Variants in GPC5 observed in about 807,000 individuals in gnomAD.
GPC5 encodes the protein glypican-5.
Under a neutral mutation model 53.9 loss-of-function variants are expected in GPC5, and 47 were observed. The ratio of observed to expected loss-of-function variants is 0.87; its 90% CI spans 0.69 to 1.11. GPC5 has a LOEUF of 1.11. Among genes scored for constraint, GPC5 ranks in the 50% most tolerant of loss-of-function variants. The pLI, the probability that GPC5 is intolerant of heterozygous loss-of-function variation, is 0.00. For synonymous variants in GPC5, 286 were observed against 263.3 expected, an observed-to-expected ratio of 1.09 and a Z score of -0.84; for missense variants, 748 against 713.1, an observed-to-expected ratio of 1.05 and a Z score of -0.56.
chr13:92,643,216 C>T (rs1885652291), intron 7 of GPC5, among the ~76,000 whole-genome samples: 1 of 152,020 alleles, frequency 6.6e-6, no homozygotes, highest in African/African-American at 2.4e-5. Flanking sequence ...TGTGCAGAAG[C>T]TCTTTAGTTT....
chr13:92,761,050 G>A (rs1440856222), intron 7 of GPC5, among the ~76,000 whole-genome samples: 1 of 152,096 alleles, frequency 6.6e-6, no homozygotes, highest in Non-Finnish European at 1.5e-5. Context: ...AATTATATAA[G>A]GGTTGTTTTG....
At chr13:92,397,271 T>TGGGG (rs138672507) in intron 7 of GPC5, among the ~76,000 whole-genome samples, 1 of 151,788 alleles carries the variant, frequency 6.6e-6, no homozygotes, top group Non-Finnish European at 1.5e-5. Context: ...TCATGGGGGC[T>TGGGG]GGGGGGGGTT....
intron 7 of GPC5, among the ~76,000 whole-genome samples, chr13:92,819,063 T>G (rs1036495312): frequency 6.6e-6 from 1 of 151,984 alleles, no homozygotes; most frequent in African/African-American, 2.4e-5. Context: ...TTTAAGGGTA[T>G]GTTTCTTACA....
chr13:92,387,350 G>A (rs1002361564), intron 7 of GPC5, among the ~76,000 whole-genome samples: 2 of 152,072 alleles, frequency 1.3e-5, no homozygotes, highest in Non-Finnish European at 1.5e-5. Context: ...ATCATGTTGC[G>A]TAGGTTCGAC....
chr13:91,486,754 T>C (rs146047561), intron 2 of GPC5: 3 of 152,270 alleles, frequency 2.0e-5, no homozygotes, highest in East Asian at 1.9e-4. Flanking sequence ...TATTACTTAG[T>C]ATGAGAAAGA....
chr13:92,851,658 G>A (rs1392573325), intron 7 of GPC5, among the ~76,000 whole-genome samples: 1 of 151,562 alleles, frequency 6.6e-6, no homozygotes, highest in African/African-American at 2.4e-5. Flanking sequence ...AAGGAGGGCG[G>A]ATCACAAGAT....
intron 7 of GPC5, among the ~76,000 whole-genome samples, chr13:92,282,559 A>G (rs1208076806): frequency 6.6e-6 from 1 of 152,146 alleles, no homozygotes; most frequent in Non-Finnish European, 1.5e-5. Flanking sequence ...TTGGCAGAAA[A>G]TCTACAAGCC....
rs191214157 is a variant in GPC5 at position 92,192,380 on chromosome 13, A to C, written c.1561+47391A>C. Among the ~76,000 whole-genome samples the C allele has an allele frequency of 2.9e-3, 446 of 152,298 alleles. 2 individuals are homozygous for C. The highest frequency in any genetic ancestry group is 0.01 in the Middle Eastern group (3 of 294). ...GTACTTTCCATTCAATTTTGTTGTG[A>C]ACATATAACTGCTCTAAAAGTTTAT... On this transcript the variant is annotated intron_variant, in intron 7 of 7. Transcript: ENST00000377067.
intron 7 of GPC5, among the ~76,000 whole-genome samples, chr13:92,861,545 C>T (rs939136870): frequency 2.0e-5 from 3 of 152,074 alleles, no homozygotes; most frequent in Non-Finnish European, 4.4e-5. Flanking sequence ...GTTCTTTCAC[C>T]ATTTCTCTAC....
intron 6 of GPC5, among the ~76,000 whole-genome samples, chr13:91,921,790 AG>A (rs1257557401): frequency 2.1e-4 from 4 of 18,664 alleles, no homozygotes; most frequent in African/African-American, 9.9e-4. Context: ...AAAAAAAAAA[AG>A]AAAGAAAGAA....
At chr13:92,502,816 T>G (rs142408193) in intron 7 of GPC5, among the ~76,000 whole-genome samples, 1 of 152,116 alleles carries the variant, frequency 6.6e-6, no homozygotes, top group African/African-American at 2.4e-5. Context: ...GTGAGAATGT[T>G]GACCTAAGCT....
At chr13:92,040,424 G>A (rs1250590264) in intron 6 of GPC5, among the ~76,000 whole-genome samples, 1 of 152,228 alleles carries the variant, frequency 6.6e-6, no homozygotes, top group African/African-American at 2.4e-5. Flanking sequence ...GTGGCTCAAG[G>A]CCTGGCCACC....
At chr13:91,563,145 C>T (rs1432459107) in intron 2 of GPC5, among the ~76,000 whole-genome samples, 1 of 151,968 alleles carries the variant, frequency 6.6e-6, no homozygotes, top group East Asian at 1.9e-4. Flanking sequence ...TGCTAAAAAT[C>T]GCAAGTAACA....
chr13:92,664,982 A>T (rs1356201890), intron 7 of GPC5, among the ~76,000 whole-genome samples: 1 of 152,196 alleles, frequency 6.6e-6, no homozygotes, highest in Non-Finnish European at 1.5e-5. Context: ...GGATATGTTA[A>T]TACAAATGTG....
intron 7 of GPC5, among the ~76,000 whole-genome samples, chr13:92,833,968 G>A (rs1008961643): frequency 3.3e-5 from 5 of 152,186 alleles, no homozygotes; most frequent in African/African-American, 1.2e-4. Context: ...CTCACTGAAG[G>A]ATGTTAAGTA....
At chr13:91,576,905 C>A (rs1396302872) in intron 2 of GPC5, among the ~76,000 whole-genome samples, 1 of 150,392 alleles carries the variant, frequency 6.6e-6, no homozygotes. Context: ...TGATTGCTTA[C>A]AATATTTAGC....
chr13:92,526,926 A>C (rs1008112737), intron 7 of GPC5, among the ~76,000 whole-genome samples: 5 of 151,428 alleles, frequency 3.3e-5, no homozygotes, highest in Non-Finnish European at 5.9e-5. Flanking sequence ...ACGGAGATGC[A>C]AAAGTACAGA....
At chr13:92,526,818 A>G (rs908549371) in intron 7 of GPC5, among the ~76,000 whole-genome samples, 7 of 151,966 alleles carry the variant, frequency 4.6e-5, no homozygotes, top group Admixed American at 6.6e-5. Context: ...GATATCTTGA[A>G]GAGCTTGGTA....
chr13:92,421,176 G>A (rs186318235), intron 7 of GPC5, among the ~76,000 whole-genome samples: 42 of 152,164 alleles, frequency 2.8e-4, no homozygotes, highest in South Asian at 8.3e-4. Flanking sequence ...AGTTTAGAGC[G>A]CAATCCCTTT....
Sources: allele counts gnomAD v4.1 joint callset (sites outside exome capture counted in the v4.1 genomes callset), GRCh38; gene constraint gnomAD v4.1.1; transcripts MANE v1.5; gene names NCBI Gene and HGNC (gene_info 2026-07-23, HGNC 2026-07-21).